SLC24A2: variants seen among roughly 807,000 people sequenced by gnomAD.
SLC24A2 encodes the protein sodium/potassium/calcium exchanger 2.
SLC24A2 carries 36 observed loss-of-function variants against 62.0 expected under a neutral mutation model. That is an observed-to-expected ratio of 0.58 (90% CI 0.44 to 0.77). The LOEUF (loss-of-function observed/expected upper bound fraction) is 0.77. SLC24A2 is among the 30% of genes least tolerant of loss of function. The pLI is 0.00. For synonymous variants in SLC24A2, 358 were observed against 294.0 expected, an observed-to-expected ratio of 1.22 and a Z score of -2.23; for missense variants, 846 against 817.9, an observed-to-expected ratio of 1.03 and a Z score of -0.42.
chr9:19,963,054 A>C, the SLC24A2 span, among the ~76,000 whole-genome samples: 1 of 152,172 alleles, frequency 6.6e-6, no homozygotes, highest in African/African-American at 2.4e-5. Flanking sequence ...AGCCCTCAGA[A>C]ATAACGCCGC....
the SLC24A2 span, among the ~76,000 whole-genome samples, chr9:20,036,720 G>T: frequency 6.6e-6 from 1 of 151,870 alleles, no homozygotes. Flanking sequence ...GTCATCTTTC[G>T]GTATCCCTGG....
chr9:20,299,901 T>G, the SLC24A2 span, among the ~76,000 whole-genome samples: 1 of 152,176 alleles, frequency 6.6e-6, no homozygotes, highest in East Asian at 1.9e-4. Flanking sequence ...ATCAGCTAAC[T>G]CTGTGCTTCT....
At chr9:19,535,281 T>G (rs202071877) in intron 8 of SLC24A2, among the ~76,000 whole-genome samples, 2 of 152,098 alleles carry the variant, frequency 1.3e-5, no homozygotes, top group South Asian at 2.1e-4. Context: ...GATTGCAAAA[T>G]TTTTCTCCCA....
intron 2 of SLC24A2, among the ~76,000 whole-genome samples, chr9:19,638,384 C>T (rs752257425): frequency 1.9e-4 from 29 of 152,172 alleles, no homozygotes; most frequent in African/African-American, 5.1e-4. Flanking sequence ...TTATTGCCAA[C>T]GGATATTCAT....
chr9:20,144,786 A>G, the SLC24A2 span, among the ~76,000 whole-genome samples: 2 of 152,166 alleles, frequency 1.3e-5, no homozygotes, highest in African/African-American at 4.8e-5. Context: ...GTTCGGTGCT[A>G]TATTCTGCAT....
At chr9:20,085,817 T>C in the SLC24A2 span, among the ~76,000 whole-genome samples, 1 of 152,258 alleles carries the variant, frequency 6.6e-6, no homozygotes, top group South Asian at 2.1e-4. Context: ...CAAACAATGC[T>C]CATTAGTATT....
At chr9:19,669,907 CG>C (rs749579459) in intron 2 of SLC24A2, among the ~76,000 whole-genome samples, 2 of 152,308 alleles carry the variant, frequency 1.3e-5, no homozygotes, top group Admixed American at 1.3e-4. Context: ...GGACATCTTT[CG>C]GGGCCATCAT....
chr9:19,853,105 TGGCCCTCTAC>T, the SLC24A2 span, among the ~76,000 whole-genome samples: 2,458 of 152,316 alleles, frequency 0.016, 64 homozygotes, highest in African/African-American at 0.056. Context: ...ATTAATAATT[TGGCCCTCTAC>T]TTATCTGTTG....
At chr9:19,611,388 G>C (rs1837161776) in intron 4 of SLC24A2, among the ~76,000 whole-genome samples, 1 of 149,480 alleles carries the variant, frequency 6.7e-6, no homozygotes, top group Non-Finnish European at 1.5e-5. Flanking sequence ...ATGAGGGAGA[G>C]GAAGGAGGGG....
chr9:20,036,701 G>C, the SLC24A2 span, among the ~76,000 whole-genome samples: 1 of 152,172 alleles, frequency 6.6e-6, no homozygotes, highest in Non-Finnish European at 1.5e-5. Flanking sequence ...ATTCCATTGT[G>C]TATATACAGT....
At chr9:19,703,452 C>A (rs193013356) in intron 2 of SLC24A2, among the ~76,000 whole-genome samples, 2 of 152,110 alleles carry the variant, frequency 1.3e-5, no homozygotes, top group African/African-American at 4.8e-5. Flanking sequence ...CATTCATAAT[C>A]CAGTCAAGGA....
At chr9:19,960,112 T>C in the SLC24A2 span, among the ~76,000 whole-genome samples, 3 of 152,160 alleles carry the variant, frequency 2.0e-5, no homozygotes, top group African/African-American at 7.2e-5. Flanking sequence ...AAGGAGTGGC[T>C]AGAGCAGGAG....
At chr9:20,265,055 C>G in the SLC24A2 span, among the ~76,000 whole-genome samples, 1 of 152,230 alleles carries the variant, frequency 6.6e-6, no homozygotes, top group Non-Finnish European at 1.5e-5. Context: ...ACATCCAGGC[C>G]AGCTGGAGAA....
At chr9:19,889,801 T>C in the SLC24A2 span, among the ~76,000 whole-genome samples, 1 of 152,320 alleles carries the variant, frequency 6.6e-6, no homozygotes, top group East Asian at 1.9e-4. Context: ...ACACTTTTAG[T>C]TTTTTCTTTT....
intron 2 of SLC24A2, among the ~76,000 whole-genome samples, chr9:19,774,882 T>C (rs982047440): frequency 4.6e-5 from 7 of 152,230 alleles, no homozygotes; most frequent in African/African-American, 1.4e-4. Flanking sequence ...ATCTCTTCTG[T>C]TGGCCAACCC....
the SLC24A2 span, among the ~76,000 whole-genome samples, chr9:20,145,814 T>G: frequency 6.6e-5 from 10 of 151,976 alleles, no homozygotes; most frequent in Admixed American, 1.3e-4. Context: ...TATGTATATG[T>G]CATATACAAA....
upstream of SLC24A2, among the ~76,000 whole-genome samples, chr9:19,792,248 CT>C (rs1244356065): frequency 1.3e-5 from 2 of 152,096 alleles, no homozygotes; most frequent in Non-Finnish European, 2.9e-5. Flanking sequence ...ATTGCTTTGG[CT>C]TTATATTTTA....
chr9:19,543,815 T>A (rs911676360), intron 8 of SLC24A2, among the ~76,000 whole-genome samples: 2 of 152,210 alleles, frequency 1.3e-5, no homozygotes, highest in African/African-American at 4.8e-5. Flanking sequence ...TGATTTCCAT[T>A]CTTTTGCATT....
chr9:19,720,233 T>C (rs1820983176), intron 2 of SLC24A2, among the ~76,000 whole-genome samples: 1 of 152,258 alleles, frequency 6.6e-6, no homozygotes, highest in Non-Finnish European at 1.5e-5. Context: ...TTTATTATTA[T>C]CTTTAATTTC....
Sources: gnomAD v4.1 joint callset for allele counts (sites outside exome capture counted in the v4.1 genomes callset) on GRCh38, gnomAD v4.1.1 for gene constraint, MANE v1.5 for transcripts, NCBI Gene and HGNC (gene_info 2026-07-23, HGNC 2026-07-21) for gene names.